Variants in ECE2 observed in about 807,000 individuals in gnomAD.
ECE2 encodes the protein endothelin converting enzyme 2, also known as endothelin-converting enzyme 2.
In ECE2, 81 loss-of-function variants were observed where a neutral mutation model predicts 100.6. That is an observed-to-expected ratio of 0.81 (90% CI 0.67 to 0.97). The LOEUF (loss-of-function observed/expected upper bound fraction) is 0.97, where lower values mean the gene tolerates loss of function less well. ECE2 is among the 50% of genes least tolerant of loss of function. The pLI, the probability that ECE2 is intolerant of heterozygous loss-of-function variation, is 0.00. For synonymous variants in ECE2, 391 were observed against 391.5 expected (o/e 1.00, Z 0.02); for missense variants, 911 against 988.1 (o/e 0.92, Z 1.05).
chr3:184,279,679 AC>A (rs1720738355), intron 7 of ECE2, among the ~76,000 whole-genome samples: 1 of 145,628 alleles, frequency 6.9e-6, no homozygotes, highest in African/African-American at 2.5e-5. Context: ...AAAAGTGTTG[AC>A]GAGGGAAAGG....
intron 16 of ECE2, 82 bp downstream of exon 16, chr3:184,290,942 A>G: frequency 6.3e-7 from 1 of 1,598,206 alleles, no homozygotes; most frequent in Non-Finnish European, 8.5e-7. Flanking sequence ...TGTAGCCCCA[A>G]GGGCCCTGAA....
At chr3:184,279,656 CAAAA>C (rs10652404) in intron 7 of ECE2, among the ~76,000 whole-genome samples, 1 of 128,150 alleles carries the variant, frequency 7.8e-6, no homozygotes, top group Non-Finnish European at 1.6e-5. Flanking sequence ...GACTTCATCT[CAAAA>C]AAAAAAAAAA....
intron 13 of ECE2, 76 bp from the exon 14 acceptor site, chr3:184,290,179 T>A: frequency 1.7e-6 from 2 of 1,198,620 alleles, no homozygotes; most frequent in Non-Finnish European, 2.4e-6. Flanking sequence ...GAGATACTAA[T>A]GAGTAGCCAA....
At chr3:184,285,668 A>G in intron 10 of ECE2, 76 bp downstream of exon 10, 1 of 1,105,844 alleles carries the variant, frequency 9.0e-7, no homozygotes, top group Non-Finnish European at 1.4e-6. Flanking sequence ...GACAGGCACC[A>G]TGTGCCTCAT....
intron 7 of ECE2, 113 bp from the exon 8 acceptor site, chr3:184,283,672 G>C: frequency 9.2e-7 from 1 of 1,090,276 alleles, no homozygotes; most frequent in Non-Finnish European, 1.3e-6. Context: ...ATCCAGAAAG[G>C]CTTCCAGAAG....
Position 184,276,706 on chromosome 3 carries a change from G to A in ECE2, c.126+139G>A, listed in dbSNP as rs773588790. 3.2e-6 allele frequency: 5 copies of A among 1,539,774 alleles called. No homozygotes were observed. In the South Asian group the frequency reaches 3.7e-5, roughly 11 times the overall value. On this transcript the variant is annotated intron_variant, in intron 2 of 18. Coordinates refer to ENST00000404464, the MANE Select transcript of ECE2 (RefSeq NM_001100121.2). The stretch of plus-strand genomic sequence containing the variant: ...CTCTGGCCTCTGCTCTAGGACTATG[G>A]TGAGGCGATGCTAAGCCGTGACGTT...
chr3:184,279,992 G>GA (rs1445257933), intron 7 of ECE2, among the ~76,000 whole-genome samples: 5 of 100 alleles, frequency 0.05, no homozygotes, highest in Admixed American at 0.25. Flanking sequence ...CCAAATGAAA[G>GA]AGTGGCAGAA....
Position 184,290,824 on chromosome 3 carries a change from A to G in ECE2, c.1798A>G (p.Met600Val), listed in dbSNP as rs756527136. Reference sequence around the variant, plus strand: ...GAACTTCGGTGGCATCGGTGTGGTCATGGGCCATGAGTTGACGCATGCCTT... The same window carrying G: ...GAACTTCGGTGGCATCGGTGTGGTCGTGGGCCATGAGTTGACGCATGCCTT... ...ALNFGGIGVV[M>V]GHELTHAFDD... is the part of the protein sequence containing the mutation. The change falls in exon 16 of 19, where the codon ATG becomes GTG. Residue 600 changes from methionine to valine, a missense_variant. Coordinates refer to ENST00000404464, the MANE Select transcript of ECE2 (RefSeq NM_001100121.2). 3.1e-6 allele frequency: 5 copies of G among 1,614,178 alleles called. No homozygotes were observed. The South Asian group carries it at 5.5e-5, about 18-fold the overall frequency.
chr3:184,276,028 G>C lies in ECE2; in HGVS notation c.-126G>C. The C allele has an allele frequency of 9.4e-7, 1 of 1,060,702 alleles. No individual in the cohort carries two copies. The highest frequency in any genetic ancestry group is 1.1e-6 in the Non-Finnish European group (1 of 874,726). The allele number at this position is 1,060,702 out of a possible 1,614,324, so 65.7% of individuals were successfully genotyped here. A position where few individuals can be genotyped will look rare whatever the true frequency, so the allele number is the denominator to read the frequency against. On this transcript the variant is annotated 5_prime_UTR_variant, in exon 1 of 19. Transcript: ENST00000404464. ...GGCGGGGGGGGGGGCGGCCGCGGCC[G>C]AGCGGGGGTGCTGCGCGGCGGCCGT...
intron 7 of ECE2, 29 bp downstream of exon 7, chr3:184,278,586 C>T: frequency 6.2e-7 from 1 of 1,612,704 alleles, no homozygotes; most frequent in Non-Finnish European, 8.5e-7. Flanking sequence ...ACCCCCATCC[C>T]TACCCCTGGC....
intron 7 of ECE2, 79 bp from the exon 8 acceptor site, chr3:184,283,706 C>G: frequency 1.4e-6 from 2 of 1,442,124 alleles, no homozygotes; most frequent in Non-Finnish European, 9.5e-7. Flanking sequence ...AGATATTGGG[C>G]AGAGGTGGTG....
intron 1 of ECE2, 82 bp downstream of exon 1, chr3:184,276,274 G>A: frequency 1.4e-6 from 2 of 1,423,334 alleles, no homozygotes; most frequent in Non-Finnish European, 1.8e-6. Context: ...AGGGGCAGGC[G>A]GTGCCCGGCT....
chr3:184,279,309 CAAAAAAAAA>C (rs60647349), intron 7 of ECE2, among the ~76,000 whole-genome samples: 3 of 79,156 alleles, frequency 3.8e-5, no homozygotes, highest in African/African-American at 9.6e-5. Flanking sequence ...GACTCCGACT[CAAAAAAAAA>C]AAAAAAAAAA....
chr3:184,292,538 T>C lies in ECE2; in HGVS notation c.*300T>C. 2.4e-6 allele frequency: 1 copy of C among 423,082 alleles called. No individual in the cohort carries two copies. The highest frequency in any genetic ancestry group is 4.3e-6 in the Non-Finnish European group (1 of 229,902). 26.2% of individuals were successfully genotyped at this position (423,082 alleles called of 1,614,324 possible). On this transcript the variant is annotated 3_prime_UTR_variant, in exon 19 of 19. Coordinates refer to ENST00000404464, the MANE Select transcript of ECE2 (RefSeq NM_001100121.2). Reference sequence around the variant, plus strand: ...CATAGGAAGGAGTCTGCCTCTTCTGTCCCCAGGCTCACTCAGCCTGGCGGC... The same window carrying C: ...CATAGGAAGGAGTCTGCCTCTTCTGCCCCCAGGCTCACTCAGCCTGGCGGC...
rs1721325798 is a variant in ECE2, at chr3:184,291,616, A to G, written c.2121+177A>G. ...GAGCCTCCGGCCAGCCAGGGCCCAC[A>G]AAGGCAGCCTGAAGAGGCCTGAGCG... On this transcript the variant is annotated intron_variant, in intron 18 of 18. Coordinates refer to ENST00000404464, the MANE Select transcript of ECE2 (RefSeq NM_001100121.2). This position sits in a 1 kb window ranked among gnomAD's most constrained non-coding sequence, Gnocchi z 4.1. 2 of 612,152 alleles carry G rather than the reference A, an allele frequency of 3.3e-6. No individual in the cohort carries two copies. Among genetic ancestry groups the G allele is most frequent in the Non-Finnish European group, 5.5e-6 (2 of 364,178 alleles). The allele number at this position is 612,152 out of a possible 1,614,324, so 37.9% of individuals were successfully genotyped here. A position where few individuals can be genotyped will look rare whatever the true frequency, so the allele number is the denominator to read the frequency against.
Position 184,292,310 on chromosome 3 carries a change from T to C in ECE2, c.*72T>C, listed in dbSNP as rs753381756. The C allele has an allele frequency of 6.3e-7, 1 of 1,583,434 alleles. No homozygotes were observed. The highest frequency in any genetic ancestry group is 8.6e-7 in the Non-Finnish European group (1 of 1,160,422). On this transcript the variant is annotated 3_prime_UTR_variant, in exon 19 of 19. Transcript: ENST00000404464. ...GCTCTCCTGACAAAGCTGTTTGCTCTTGGGTTGGGAGGAAGCAAATGCAAG... is the reference window on the plus strand; with the variant it reads ...GCTCTCCTGACAAAGCTGTTTGCTCCTGGGTTGGGAGGAAGCAAATGCAAG...
Position 184,291,137 on chromosome 3 carries a change from C to T in ECE2, c.1932C>T (p.Tyr644=), listed in dbSNP as rs1340716676. ...ACACGGCCTGCATGGAGGAACAGTA[C>T]AATCAATACCAGGTCAATGGGGAGA... ...RNHTACMEEQ[Y]NQYQVNGERL... Residue 644 remains tyrosine (Y), a synonymous_variant, in exon 17 of 19, where the codon TAC becomes TAT. Transcript: ENST00000404464. This position sits in a 1 kb window ranked among gnomAD's most constrained non-coding sequence, Gnocchi z 4.1. 6.2e-7 allele frequency: 1 copy of T among 1,613,488 alleles called. No homozygotes were observed. The highest frequency in any genetic ancestry group is 8.5e-7 in the Non-Finnish European group (1 of 1,179,816).
chr3:184,276,331 A>G lies in ECE2; in HGVS notation c.39+139A>G. ...CGGGCCTGGTGGAGGGGTGATAGAG[A>G]GACCCCGGGCCCGAGAGCAGGGCAG... is the stretch of plus-strand genomic sequence containing the variant. On this transcript the variant is annotated intron_variant, in intron 1 of 18. Transcript: ENST00000404464. 4 of 1,381,718 alleles carry G rather than the reference A, an allele frequency of 2.9e-6. No individual in the cohort carries two copies. In the South Asian group the frequency reaches 4.2e-5, roughly 14 times the overall value. 85.6% of individuals were successfully genotyped at this position (1,381,718 alleles called of 1,614,324 possible). A position where few individuals can be genotyped will look rare whatever the true frequency, so the allele number is the denominator to read the frequency against.
In ECE2 at chr3:184,280,978, C is replaced by CA. The variant is rs879881453; in HGVS notation, c.816+2435dup. On this transcript the variant is annotated intron_variant, in intron 7 of 18. Coordinates refer to ENST00000404464, the MANE Select transcript of ECE2 (RefSeq NM_001100121.2). ...TGGGCAACAGAGCAAGACTCTGTCT[C>CA]AAAAAAAAAAAAAAGAAAGAAAAGG... Among the ~76,000 whole-genome samples the CA allele has an allele frequency of 8.7e-3, 960 of 110,276 alleles. 8 individuals carry two copies. Among genetic ancestry groups the CA allele is most frequent in the African/African-American group, 0.018 (539 of 29,402 alleles). 72.3% of individuals were successfully genotyped at this position (110,276 alleles called of 152,430 possible). A position where few individuals can be genotyped will look rare whatever the true frequency, so the allele number is the denominator to read the frequency against.
Sources: gnomAD v4.1 joint callset for allele counts (sites outside exome capture counted in the v4.1 genomes callset) on GRCh38, gnomAD v4.1.1 for gene constraint, Gnocchi (gnomAD v3.1) non-coding constraint, MANE v1.5 for transcripts, NCBI Gene and HGNC (gene_info 2026-07-23, HGNC 2026-07-21) for gene names.